EXOC5: variants seen among roughly 807,000 people sequenced by gnomAD.
EXOC5 encodes the protein exocyst complex component 5.
A neutral mutation model predicts 90.8 loss-of-function variants in EXOC5; 17 were observed. That is an observed-to-expected ratio of 0.19 (90% CI 0.13 to 0.28). The LOEUF (loss-of-function observed/expected upper bound fraction) is 0.28. Ranked by LOEUF, EXOC5 falls within the 10% of genes least tolerant of loss-of-function variation. EXOC5 has a pLI of 1.00. For synonymous variants in EXOC5, 260 were observed against 270.0 expected (o/e 0.96, Z 0.36); for missense variants, 569 against 830.6 (o/e 0.69, Z 3.87).
At chr14:57,227,275 C>T (rs940885705) in intron 12 of EXOC5, among the ~76,000 whole-genome samples, 2 of 152,030 alleles carry the variant, frequency 1.3e-5, no homozygotes, top group African/African-American at 4.8e-5. Context: ...ATTAGTTTGG[C>T]AGCTTCCTAA....
chr14:57,250,228 C>T (rs1216276523), intron 1 of EXOC5, among the ~76,000 whole-genome samples: 2 of 152,002 alleles, frequency 1.3e-5, no homozygotes, highest in African/African-American at 4.8e-5. Flanking sequence ...TGAAAAGAGG[C>T]CAGTGTGACT....
chr14:57,239,578 T>G lies in EXOC5; in HGVS notation c.530+17A>C. On this transcript the variant is annotated intron_variant, in intron 5 of 17. Transcript: ENST00000621441. ...TTATACCACATATTCAAATTAGCTCTTGAGAAATGAACTTGCCTATCAAAA... is the reference window on the plus strand; with the variant it reads ...TTATACCACATATTCAAATTAGCTCGTGAGAAATGAACTTGCCTATCAAAA... The G allele has an allele frequency of 4.3e-6, 6 of 1,384,804 alleles. No homozygotes were observed. Among genetic ancestry groups the G allele is most frequent in the Non-Finnish European group, 6.0e-6 (6 of 1,007,602 alleles). 85.8% of individuals were successfully genotyped at this position (1,384,804 alleles called of 1,614,324 possible). A position where few individuals can be genotyped will look rare whatever the true frequency, so the allele number is the denominator to read the frequency against.
intron 1 of EXOC5, among the ~76,000 whole-genome samples, chr14:57,257,461 T>G (rs1431251650): frequency 6.6e-6 from 1 of 152,102 alleles, no homozygotes; most frequent in African/African-American, 2.4e-5. Flanking sequence ...CTGGTTGAGA[T>G]CTACGAGGAA....
chr14:57,257,108 T>C (rs1176807689), intron 1 of EXOC5, among the ~76,000 whole-genome samples: 4 of 152,082 alleles, frequency 2.6e-5, no homozygotes, highest in Admixed American at 2.6e-4. Context: ...GAGAAATAGG[T>C]TCATGACGTC....
rs746905430 is a variant in EXOC5, at chr14:57,236,287, CT to C, written c.560-468del. Among the ~76,000 whole-genome samples, 304 of 130,366 alleles carry C rather than the reference CT, an allele frequency of 2.3e-3. 1 individual carries two copies. The highest frequency in any genetic ancestry group is 7.8e-3 in the Middle Eastern group (2 of 256). 85.5% of individuals were successfully genotyped at this position (130,366 alleles called of 152,430 possible). A position where few individuals can be genotyped will look rare whatever the true frequency, so the allele number is the denominator to read the frequency against. Reference sequence around the variant, plus strand: ...GCAGTATTTATATTTTTTTCATTTTCTTTTTTTTTTTTTTTTCGAGACAGAG... The same window carrying C: ...GCAGTATTTATATTTTTTTCATTTTCTTTTTTTTTTTTTTTCGAGACAGAG... On this transcript the variant is annotated intron_variant, in intron 6 of 17. Coordinates refer to ENST00000621441, the MANE Select transcript of EXOC5 (RefSeq NM_006544.4).
At chr14:57,245,356 T>C (rs747699835) in intron 3 of EXOC5, among the ~76,000 whole-genome samples, 8 of 152,092 alleles carry the variant, frequency 5.3e-5, no homozygotes, top group Non-Finnish European at 1.0e-4. Flanking sequence ...TCTAAGCATA[T>C]TACATGTATT....
At chr14:57,227,793 T>C (rs1883353477) in intron 12 of EXOC5, among the ~76,000 whole-genome samples, 1 of 152,162 alleles carries the variant, frequency 6.6e-6, no homozygotes, top group Non-Finnish European at 1.5e-5. Context: ...TGTCTCAATA[T>C]AAATACAGAT....
intron 6 of EXOC5, among the ~76,000 whole-genome samples, chr14:57,236,265 GTATTTA>G (rs1489607943): frequency 6.7e-6 from 1 of 149,400 alleles, no homozygotes; most frequent in Admixed American, 6.7e-5. Context: ...ATAATATGCA[GTATTTA>G]TATTTTTTTC....
At position 57,208,812 on chromosome 14, in the gene EXOC5, GA is replaced by G. The variant is rs748474158; in HGVS notation, c.1939-16del. The G allele has an allele frequency of 6.0e-5, 90 of 1,505,540 alleles. No individual in the cohort carries two copies. Among genetic ancestry groups the G allele is most frequent in the East Asian group, 2.3e-5 (1 of 43,542 alleles). The allele number at this position is 1,505,540 out of a possible 1,614,324, so 93.3% of individuals were successfully genotyped here. A position where few individuals can be genotyped will look rare whatever the true frequency, so the allele number is the denominator to read the frequency against. ...ACCATTGGAATCTGAATTGAGAGAA[GA>G]AAAAAAGTAACATTGAAACAAAACA... On this transcript the variant is annotated splice_polypyrimidine_tract_variant and intron_variant, in intron 17 of 17. Coordinates refer to ENST00000621441, the MANE Select transcript of EXOC5 (RefSeq NM_006544.4).
rs1315817468 is a variant in EXOC5 at position 57,201,600 on chromosome 14, G to T, written c.*7009C>A. 5 of 134,038 alleles carry T rather than the reference G, an allele frequency of 3.7e-5. No homozygotes were observed. The highest frequency in any genetic ancestry group is 6.4e-5 in the Non-Finnish European group (4 of 62,336). 8.3% of individuals were successfully genotyped at this position (134,038 alleles called of 1,614,324 possible). A position where few individuals can be genotyped will look rare whatever the true frequency, so the allele number is the denominator to read the frequency against. On this transcript the variant is annotated 3_prime_UTR_variant, in exon 18 of 18. Coordinates refer to ENST00000621441, the MANE Select transcript of EXOC5 (RefSeq NM_006544.4). The stretch of plus-strand genomic sequence containing the variant: ...TATATATATATATATATATATAAAG[G>T]ATGGCTGGTTAAGGTGGCTCACACC...
At chr14:57,209,895 T>C (rs1882773912) in intron 16 of EXOC5, 58 bp downstream of exon 16, 11 of 1,178,138 alleles carry the variant, frequency 9.3e-6, no homozygotes, top group Non-Finnish European at 1.4e-5. Flanking sequence ...TAGGGCACAG[T>C]AGGATACACC....
In EXOC5 at chr14:57,239,655, T is replaced by C; in HGVS notation, c.470A>G (p.Lys157Arg). Reference protein sequence around the residue: ...SDVFTNSEKIKEAADIIQKLH... With the variant: ...SDVFTNSEKIREAADIIQKLH... The stretch of plus-strand genomic sequence containing the variant: ...CTTCTGAATGATGTCTGCTGCTTCC[T>C]TTATCTATGAAAAAATAAATAAAAG... The change falls in exon 5 of 18, where the codon AAG (lysine) becomes AGG (arginine). Residue 157 changes from lysine to arginine, a missense_variant. Physicochemically the swap from Lys to Arg is conservative, Grantham distance 26. Around this residue, in one of 9 missense-constraint regions of EXOC5, gnomAD observed 97 missense variants for 177.9 expected, o/e 0.55. Transcript: ENST00000621441. The C allele has an allele frequency of 6.6e-7, 1 of 1,518,342 alleles. No individual in the cohort carries two copies. The highest frequency in any genetic ancestry group is 8.8e-7 in the Non-Finnish European group (1 of 1,130,898). The allele number at this position is 1,518,342 out of a possible 1,614,324, so 94.1% of individuals were successfully genotyped here.
chr14:57,266,480 T>C (rs1884671713), intron 1 of EXOC5, among the ~76,000 whole-genome samples: 2 of 152,180 alleles, frequency 1.3e-5, no homozygotes, highest in African/African-American at 2.4e-5. Flanking sequence ...TGAAACTTAA[T>C]TGTAACTATT....
chr14:57,210,444 A>T (rs1882794043), intron 15 of EXOC5, among the ~76,000 whole-genome samples: 1 of 152,308 alleles, frequency 6.6e-6, no homozygotes, highest in African/African-American at 2.4e-5. Context: ...GAAATTTTTC[A>T]GATTTTGGAA....
intron 12 of EXOC5, among the ~76,000 whole-genome samples, chr14:57,224,301 G>C (rs1883238633): frequency 6.6e-6 from 1 of 151,948 alleles, no homozygotes; most frequent in Admixed American, 6.6e-5. Context: ...GGTTCTTCGG[G>C]GGGAAATAAA....
intron 5 of EXOC5, chr14:57,237,604 T>C (rs542421472): frequency 2.3e-5 from 9 of 393,406 alleles, no homozygotes; most frequent in Admixed American, 4.6e-5. Context: ...TAAAACTTAA[T>C]GTAGGTAGGT....
intron 3 of EXOC5, 143 bp from the exon 4 acceptor site, chr14:57,244,502 G>A: frequency 1.6e-6 from 1 of 645,012 alleles, no homozygotes; most frequent in Non-Finnish European, 2.7e-6. Flanking sequence ...AGTGTGACAT[G>A]ATCTGAAAAT....
chr14:57,217,675 A>C (rs567697915), intron 15 of EXOC5, among the ~76,000 whole-genome samples: 8 of 152,160 alleles, frequency 5.3e-5, no homozygotes, highest in Admixed American at 1.3e-4. Context: ...CAATAATCCT[A>C]CAATGGCCTC....
chr14:57,217,815 A>C (rs1182027702), intron 15 of EXOC5, among the ~76,000 whole-genome samples, 167 bp downstream of exon 15: 1 of 152,152 alleles, frequency 6.6e-6, no homozygotes, highest in Non-Finnish European at 1.5e-5. Context: ...ATCCAATAAA[A>C]ACAACACTCT....
Sources: gnomAD v4.1 joint callset for allele counts (sites outside exome capture counted in the v4.1 genomes callset) on GRCh38, gnomAD v4.1.1 for gene constraint, gnomAD v4.1.1 regional missense constraint, MANE v1.5 for transcripts, NCBI Gene and HGNC (gene_info 2026-07-23, HGNC 2026-07-21) for gene names.